PPP1R16B: variants seen among roughly 807,000 people sequenced by gnomAD.
PPP1R16B encodes the protein protein phosphatase 1 regulatory inhibitor subunit 16B.
A neutral mutation model predicts 61.7 loss-of-function variants in PPP1R16B; 14 were observed. The ratio of observed to expected loss-of-function variants is 0.23; its 90% CI spans 0.15 to 0.35. PPP1R16B has a LOEUF of 0.35. Ranked by LOEUF, PPP1R16B falls within the 10% of genes least tolerant of loss-of-function variation. PPP1R16B has a pLI of 1.00. For synonymous variants in PPP1R16B, 266 were observed against 305.3 expected, an observed-to-expected ratio of 0.87 and a Z score of 1.34; for missense variants, 547 against 752.5, an observed-to-expected ratio of 0.73 and a Z score of 3.19.
At chr20:38,831,037 C>T (rs550902417) in intron 1 of PPP1R16B, among the ~76,000 whole-genome samples, 1 of 152,344 alleles carries the variant, frequency 6.6e-6, no homozygotes, top group East Asian at 1.9e-4. Flanking sequence ...TTAGGCCAAT[C>T]TGACACGGGT....
At chr20:38,875,892 C>T (rs148585849) in intron 2 of PPP1R16B, among the ~76,000 whole-genome samples, 100 of 150,360 alleles carry the variant, frequency 6.7e-4, no homozygotes, top group African/African-American at 2.4e-3. Flanking sequence ...TCACCTTGGA[C>T]TTATATTTGT....
chr20:38,816,951 A>T (rs1041415064), intron 1 of PPP1R16B, among the ~76,000 whole-genome samples: 5 of 152,192 alleles, frequency 3.3e-5, no homozygotes, highest in African/African-American at 1.2e-4. Context: ...TCTTGTTCTA[A>T]GTCAAAGGAC....
Position 38,922,175 on chromosome 20 carries a change from G to C in PPP1R16B, c.*3509G>C, listed in dbSNP as rs1320572130. On this transcript the variant is annotated 3_prime_UTR_variant, in exon 11 of 11. Coordinates refer to ENST00000299824, the MANE Select transcript of PPP1R16B (RefSeq NM_015568.4). Reference sequence around the variant, plus strand: ...ATTCTCCATCAAATATACAGCATAAGTAAAACTGCTCTGCACTGTTTAATC... The same window carrying C: ...ATTCTCCATCAAATATACAGCATAACTAAAACTGCTCTGCACTGTTTAATC... 6.6e-6 allele frequency: 1 copy of C among 152,440 alleles called. No homozygotes were observed. Among genetic ancestry groups the C allele is most frequent in the African/African-American group, 2.4e-5 (1 of 41,450 alleles). 9.4% of individuals were successfully genotyped at this position (152,440 alleles called of 1,614,324 possible). A position where few individuals can be genotyped will look rare whatever the true frequency, so the allele number is the denominator to read the frequency against.
At chr20:38,900,511 A>G (rs2085383233) in intron 4 of PPP1R16B, 70 bp from the exon 5 acceptor site, 7 of 1,239,474 alleles carry the variant, frequency 5.6e-6, no homozygotes, top group Non-Finnish European at 8.0e-6. Context: ...GCGAGAGGCC[A>G]GAGGGCAGAG....
chr20:38,843,146 A>G (rs1181780195), intron 2 of PPP1R16B, among the ~76,000 whole-genome samples: 1 of 152,262 alleles, frequency 6.6e-6, no homozygotes, highest in East Asian at 1.9e-4. Context: ...GCTGGGTTCT[A>G]TCTACCCATA....
intron 1 of PPP1R16B, among the ~76,000 whole-genome samples, chr20:38,819,927 C>T (rs139813041): frequency 4.4e-4 from 67 of 152,232 alleles, no homozygotes; most frequent in African/African-American, 1.3e-3. Context: ...CTCCAGAAGC[C>T]CCCTCTCCAA....
chr20:38,857,321 G>A (rs962524999), intron 2 of PPP1R16B, among the ~76,000 whole-genome samples: 46 of 152,256 alleles, frequency 3.0e-4, no homozygotes, highest in African/African-American at 9.9e-4. Flanking sequence ...CTAGATACTT[G>A]GAAAATATTG....
intron 1 of PPP1R16B, among the ~76,000 whole-genome samples, chr20:38,813,748 G>T (rs1411306912): frequency 6.7e-6 from 1 of 148,246 alleles, no homozygotes; most frequent in Non-Finnish European, 1.5e-5. Flanking sequence ...ACTCTAAGGG[G>T]TGACATCATC....
At chr20:38,864,497 C>T (rs1055288612) in intron 2 of PPP1R16B, among the ~76,000 whole-genome samples, 1 of 152,144 alleles carries the variant, frequency 6.6e-6, no homozygotes, top group African/African-American at 2.4e-5. Context: ...TTTTATCACC[C>T]CATTTTTGCA....
intron 1 of PPP1R16B, among the ~76,000 whole-genome samples, chr20:38,807,331 C>T (rs1269877987): frequency 3.3e-5 from 5 of 152,226 alleles, no homozygotes; most frequent in African/African-American, 1.2e-4. Context: ...ACGGGGCTAA[C>T]AGCCGCCAGG....
At chr20:38,832,003 G>A (rs1003045756) in intron 1 of PPP1R16B, among the ~76,000 whole-genome samples, 1 of 152,196 alleles carries the variant, frequency 6.6e-6, no homozygotes, top group African/African-American at 2.4e-5. Flanking sequence ...ACCTTTGAGC[G>A]CTGCCTAACT....
chr20:38,851,289 A>G (rs988469031), intron 2 of PPP1R16B, among the ~76,000 whole-genome samples: 1 of 152,022 alleles, frequency 6.6e-6, no homozygotes, highest in East Asian at 1.9e-4. Flanking sequence ...ACATGGTGAA[A>G]CCTAGTCTCT....
intron 1 of PPP1R16B, among the ~76,000 whole-genome samples, chr20:38,816,087 G>GA (rs113433665): frequency 7.4e-4 from 107 of 145,344 alleles, no homozygotes; most frequent in African/African-American, 1.5e-3. Flanking sequence ...GAAGCAAAAA[G>GA]AAAAAAAAAA....
At chr20:38,836,550 G>T (rs1399391463) in intron 2 of PPP1R16B, among the ~76,000 whole-genome samples, 1 of 152,118 alleles carries the variant, frequency 6.6e-6, no homozygotes, top group Non-Finnish European at 1.5e-5. Flanking sequence ...AGAGATGGGG[G>T]TCTCATTCTG....
At chr20:38,824,692 T>G (rs1294798650) in intron 1 of PPP1R16B, among the ~76,000 whole-genome samples, 7 of 152,276 alleles carry the variant, frequency 4.6e-5, no homozygotes, top group African/African-American at 1.7e-4. Flanking sequence ...CTTGGAATTA[T>G]TCTCTGAGCT....
chr20:38,918,839 G>C lies in PPP1R16B; in HGVS notation c.*173G>C, dbSNP rs979198869. The C allele has an allele frequency of 1.3e-6, 1 of 775,794 alleles. No homozygotes were observed. Among genetic ancestry groups the C allele is most frequent in the African/African-American group, 1.8e-5 (1 of 56,444 alleles). 48.1% of individuals were successfully genotyped at this position (775,794 alleles called of 1,614,324 possible). ...CTGCCCATAGCATCCCATGTCCCACGTCCCGTGGTTCTGCTTCCTGCTGCA... is the reference window on the plus strand; with the variant it reads ...CTGCCCATAGCATCCCATGTCCCACCTCCCGTGGTTCTGCTTCCTGCTGCA... On this transcript the variant is annotated 3_prime_UTR_variant, in exon 11 of 11. Coordinates refer to ENST00000299824, the MANE Select transcript of PPP1R16B (RefSeq NM_015568.4). This position sits in a 1 kb window ranked among gnomAD's most constrained non-coding sequence, Gnocchi z 5.3.
At chr20:38,891,142 A>G (rs1426498070) in intron 3 of PPP1R16B, among the ~76,000 whole-genome samples, 1 of 152,214 alleles carries the variant, frequency 6.6e-6, no homozygotes, top group African/African-American at 2.4e-5. Flanking sequence ...CCCACCAGCC[A>G]TGGGCATGAG....
intron 2 of PPP1R16B, among the ~76,000 whole-genome samples, chr20:38,871,838 A>G (rs1246049902): frequency 1.3e-5 from 2 of 152,250 alleles, no homozygotes; most frequent in Non-Finnish European, 2.9e-5. Flanking sequence ...GCTCTGATCA[A>G]TGGAAAAATA....
In PPP1R16B at chr20:38,922,603, C is replaced by T. The variant is rs1042800485; in HGVS notation, c.*3937C>T. The T allele has an allele frequency of 5.2e-5, 8 of 152,620 alleles. No homozygotes were observed. The highest frequency in any genetic ancestry group is 1.9e-4 in the East Asian group (1 of 5,196). 9.5% of individuals were successfully genotyped at this position (152,620 alleles called of 1,614,324 possible). A position where few individuals can be genotyped will look rare whatever the true frequency, so the allele number is the denominator to read the frequency against. The stretch of plus-strand genomic sequence containing the variant: ...TTCCCATGGGCATTGCAAGTGCCAC[C>T]GTGCGGGGCCTGGCTCTGCACACCC... On this transcript the variant is annotated 3_prime_UTR_variant, in exon 11 of 11. Transcript: ENST00000299824.
Sources: gnomAD v4.1 joint callset for allele counts (sites outside exome capture counted in the v4.1 genomes callset) on GRCh38, gnomAD v4.1.1 for gene constraint, Gnocchi (gnomAD v3.1) non-coding constraint, MANE v1.5 for transcripts, NCBI Gene and HGNC (gene_info 2026-07-23, HGNC 2026-07-21) for gene names.